Variants in ARHGEF17 observed in about 807,000 individuals in gnomAD.
ARHGEF17 encodes the protein Rho guanine nucleotide exchange factor 17.
Under a neutral mutation model 174.0 loss-of-function variants are expected in ARHGEF17, and 80 were observed. The ratio of observed to expected loss-of-function variants is 0.46; its 90% confidence interval spans 0.38 to 0.55. ARHGEF17 has a LOEUF of 0.55. ARHGEF17 is among the 20% of genes least tolerant of loss of function. ARHGEF17 has a pLI of 0.00. For missense variants in ARHGEF17, 2,886 were observed against 2,839.7 expected (o/e 1.02, Z -0.37); for synonymous variants, 1,311 against 1,189.1 (o/e 1.10, Z -2.11).
chr11:73,356,584 G>T lies in ARHGEF17; in HGVS notation c.3841-125G>T, dbSNP rs552048364. 2.3e-6 allele frequency: 3 copies of T among 1,315,312 alleles called. No homozygotes were observed. In the South Asian group the frequency reaches 4.0e-5, roughly 18 times the overall value. 81.5% of individuals were successfully genotyped at this position (1,315,312 alleles called of 1,614,324 possible). ...GGCCTGGCAGCACAAGGGCATTGAG[G>T]GTGGGAAGCATGCTGCTTCCATTGG... On this transcript the variant is annotated intron_variant, in intron 6 of 20. Transcript: ENST00000263674.
intron 1 of ARHGEF17, among the ~76,000 whole-genome samples, chr11:73,319,745 A>G (rs1001198502): frequency 6.6e-6 from 1 of 152,200 alleles, no homozygotes; most frequent in African/African-American, 2.4e-5. Context: ...CACACGGGGA[A>G]AACTTGGACA....
chr11:73,362,563 C>A lies in ARHGEF17; in HGVS notation c.4825C>A (p.His1609Asn). Residue 1609 changes from histidine to asparagine, a missense_variant, in exon 14 of 21, where the codon CAC becomes AAC. Around this residue, in one of 4 missense-constraint regions of ARHGEF17, gnomAD observed 476 missense variants for 473.1 expected, o/e 1.01. Coordinates refer to ENST00000263674, the MANE Select transcript of ARHGEF17 (RefSeq NM_014786.4). ...GGAGCCGGGGCCGCAGCCCTGCCTTCACATCTCCATTGCAGGCTCGGGCTT... is the reference window on the plus strand; with the variant it reads ...GGAGCCGGGGCCGCAGCCCTGCCTTAACATCTCCATTGCAGGCTCGGGCTT... The part of the protein sequence containing the change: ...LAEPGPQPCL[H>N]ISIAGSGLEM... 6.2e-7 allele frequency: 1 copy of A among 1,609,588 alleles called. No homozygotes were observed. The highest frequency in any genetic ancestry group is 8.5e-7 in the Non-Finnish European group (1 of 1,179,672).
chr11:73,346,863 C>G lies in ARHGEF17; in HGVS notation c.3193-20C>G. ...GGGGGGAAAAAGACCCCTGTTCACC[C>G]TCTGCTCCTGTCCCCACAGGACATG... is the stretch of plus-strand genomic sequence containing the variant. On this transcript the variant is annotated intron_variant, in intron 1 of 20. Transcript: ENST00000263674. 1 of 1,457,756 alleles carries G rather than the reference C, an allele frequency of 6.9e-7. No individual in the cohort carries two copies. The highest frequency in any genetic ancestry group is 2.6e-5 in the Admixed American group (1 of 38,264). 90.3% of individuals were successfully genotyped at this position (1,457,756 alleles called of 1,614,324 possible).
Position 73,355,664 on chromosome 11 carries a change from G to A in ARHGEF17, c.3570+15G>A, listed in dbSNP as rs1591756123. The A allele has an allele frequency of 6.2e-7, 1 of 1,610,116 alleles. No homozygotes were observed. Among genetic ancestry groups the A allele is most frequent in the South Asian group, 1.1e-5 (1 of 90,998 alleles). On this transcript the variant is annotated intron_variant, in intron 4 of 20. Coordinates refer to ENST00000263674, the MANE Select transcript of ARHGEF17 (RefSeq NM_014786.4). ...AGTTCCTAGAGGTACTGTGGGCTAGGGCAGGGGGATGGAGGTGACCCTCAC... is the reference window on the plus strand; with the variant it reads ...AGTTCCTAGAGGTACTGTGGGCTAGAGCAGGGGGATGGAGGTGACCCTCAC...
intron 3 of ARHGEF17, among the ~76,000 whole-genome samples, chr11:73,354,192 T>G (rs1174155123): frequency 1.3e-5 from 2 of 152,358 alleles, no homozygotes; most frequent in East Asian, 3.9e-4. Flanking sequence ...CCAGCTTGGA[T>G]TGAGTGCTGA....
chr11:73,347,112 A>G (rs1865476189), intron 2 of ARHGEF17, 152 bp downstream of exon 2: 4 of 788,278 alleles, frequency 5.1e-6, no homozygotes, highest in Non-Finnish European at 8.6e-6. Context: ...AACCCCCAGC[A>G]TGGCCATTCC....
intron 1 of ARHGEF17, among the ~76,000 whole-genome samples, chr11:73,345,966 T>TG (rs1300545583): frequency 1.3e-5 from 2 of 151,846 alleles, no homozygotes; most frequent in Non-Finnish European, 2.9e-5. Context: ...GTGGGGATTT[T>TG]GAGGGGAGAG....
At chr11:73,323,361 C>A (rs545030803) in intron 1 of ARHGEF17, among the ~76,000 whole-genome samples, 3 of 152,324 alleles carry the variant, frequency 2.0e-5, no homozygotes, top group South Asian at 4.1e-4. Flanking sequence ...CTTTTGGGAA[C>A]TGAGGGAGAG....
At chr11:73,340,942 G>A (rs1865358560) in intron 1 of ARHGEF17, among the ~76,000 whole-genome samples, 1 of 152,210 alleles carries the variant, frequency 6.6e-6, no homozygotes, top group South Asian at 2.1e-4. Context: ...CAGTTGGGAG[G>A]GTAAGAGGCA....
chr11:73,329,475 C>T (rs1379387304), intron 1 of ARHGEF17, among the ~76,000 whole-genome samples: 1 of 147,146 alleles, frequency 6.8e-6, no homozygotes, highest in Admixed American at 6.8e-5. Flanking sequence ...TCTCAGCTCA[C>T]TGCAACCTCT....
At chr11:73,332,581 G>C (rs1321820759) in intron 1 of ARHGEF17, among the ~76,000 whole-genome samples, 1 of 152,138 alleles carries the variant, frequency 6.6e-6, no homozygotes, top group Non-Finnish European at 1.5e-5. Flanking sequence ...CTGTGGAAAA[G>C]GCTGAGTGGG....
rs1865491348 is a variant in ARHGEF17, at chr11:73,347,907, GT to G, written c.3270+949del. Among the ~76,000 whole-genome samples, 3 of 152,198 alleles carry G rather than the reference GT, an allele frequency of 2.0e-5. No individual in the cohort carries two copies. In the South Asian group the frequency reaches 6.2e-4, roughly 32 times the overall value. ...CTGGTCAGGCCAGGCGTGGTAACTG[GT>G]TGGTTGTGGGGGGCAAGGTGGGGAA... On this transcript the variant is annotated intron_variant, in intron 2 of 20. Transcript: ENST00000263674.
Position 73,359,867 on chromosome 11 carries a change from A to G in ARHGEF17, c.4121A>G (p.Gln1374Arg). The change falls in exon 10 of 21, where the codon CAG becomes CGG. Residue 1374 changes from glutamine to arginine, a missense_variant. This residue lies in a region of ARHGEF17 where 353 missense variants were observed against 470.3 expected (regional missense o/e 0.75). Transcript: ENST00000263674. The part of the protein sequence containing the change: ...ASQATNRENI[Q>R]KAISRLDEDL... ...CAAGCCACCAATCGGGAGAACATCC[A>G]GAAGGCCATCAGCCGCCTTGATGAG... 3.1e-6 allele frequency: 5 copies of G among 1,613,244 alleles called. 1 individual carries two copies. The South Asian group carries it at 4.4e-5, about 14-fold the overall frequency.
Position 73,308,847 on chromosome 11 carries a change from C to G in ARHGEF17, c.209C>G (p.Ala70Gly). The change falls in exon 1 of 21, where the codon GCG (alanine) becomes GGG (glycine). Residue 70 changes from alanine (A) to glycine (G), a missense_variant. Around this residue, in one of 4 missense-constraint regions of ARHGEF17, gnomAD observed 1,728 missense variants for 1,461.2 expected, o/e 1.18. Transcript: ENST00000263674. ...GCGTCTGGGCCCCTGGCCGCCCCCG[C>G]GCAGCCGCGCCCGCTCCGCAGCCTC... ...KLASGPLAAP[A>G]QPRPLRSLSP... 7.5e-7 allele frequency: 1 copy of G among 1,340,506 alleles called. No individual in the cohort carries two copies. The highest frequency in any genetic ancestry group is 9.5e-7 in the Non-Finnish European group (1 of 1,052,960). 83.0% of individuals were successfully genotyped at this position (1,340,506 alleles called of 1,614,324 possible). A position where few individuals can be genotyped will look rare whatever the true frequency, so the allele number is the denominator to read the frequency against.
intron 12 of ARHGEF17, among the ~76,000 whole-genome samples, chr11:73,361,699 C>G: frequency 6.6e-6 from 1 of 152,002 alleles, no homozygotes; most frequent in East Asian, 1.9e-4. Context: ...ACAAAAAATT[C>G]AAAAATTATC....
At chr11:73,342,165 C>T (rs1865380946) in intron 1 of ARHGEF17, among the ~76,000 whole-genome samples, 1 of 150,738 alleles carries the variant, frequency 6.6e-6, no homozygotes, top group Non-Finnish European at 1.5e-5. Context: ...GGTGGGAGCA[C>T]AGTCTAGGGG....
rs539895304 is a variant in ARHGEF17 at position 73,359,900 on chromosome 11, C to T, written c.4154C>T (p.Thr1385Ile). Reference protein sequence around the residue: ...KAISRLDEDLTTLGQMSKLSE... With the variant: ...KAISRLDEDLITLGQMSKLSE... ...ATCAGCCGCCTTGATGAGGACCTCA[C>T]CACCCTGGGCCAAATGAGCAAGCTC... Residue 1385 changes from threonine to isoleucine, a missense_variant, in exon 10 of 21, where the codon ACC (threonine) becomes ATC (isoleucine). Thr to Ile is a moderately conservative substitution (Grantham distance 89). This residue lies in a region of ARHGEF17 where 353 missense variants were observed against 470.3 expected (regional missense o/e 0.75). Transcript: ENST00000263674. 1 of 1,613,526 alleles carries T rather than the reference C, an allele frequency of 6.2e-7. No individual in the cohort carries two copies. Among genetic ancestry groups the T allele is most frequent in the Non-Finnish European group, 8.5e-7 (1 of 1,179,754 alleles).
chr11:73,321,721 G>T (rs984526677), intron 1 of ARHGEF17, among the ~76,000 whole-genome samples: 4 of 152,142 alleles, frequency 2.6e-5, no homozygotes, highest in Non-Finnish European at 4.4e-5. Flanking sequence ...AAGGATTCTG[G>T]GTTCTTTTCC....
Position 73,311,154 on chromosome 11 carries a change from G to A in ARHGEF17, c.2516G>A (p.Gly839Glu). ...CCCAGCCGCCGTGGGGAGCTGGCTG[G>A]GCCTGGATTCGAGGGCCCTGGAGGG... ...SDPSRRGELA[G>E]PGFEGPGGEP... Residue 839 changes from glycine (G) to glutamate (E), a missense_variant, in exon 1 of 21, where the codon GGG becomes GAG. Around this residue, in one of 4 missense-constraint regions of ARHGEF17, gnomAD observed 1,728 missense variants for 1,461.2 expected, o/e 1.18. Transcript: ENST00000263674. 6.3e-7 allele frequency: 1 copy of A among 1,597,204 alleles called. No homozygotes were observed. Among genetic ancestry groups the A allele is most frequent in the Non-Finnish European group, 8.6e-7 (1 of 1,168,870 alleles).
Sources: gnomAD v4.1 joint callset for allele counts (sites outside exome capture counted in the v4.1 genomes callset) on GRCh38, gnomAD v4.1.1 for gene constraint, gnomAD v4.1.1 regional missense constraint, MANE v1.5 for transcripts, NCBI Gene and HGNC (gene_info 2026-07-23, HGNC 2026-07-21) for gene names.